The following HECW2 variants were observed in gnomAD, a reference collection of about 807,000 sequenced individuals.
HECW2 encodes the protein E3 ubiquitin-protein ligase HECW2.
In HECW2, 61 loss-of-function variants were observed where a neutral mutation model predicts 175.2. That is an observed-to-expected ratio of 0.35 (90% CI 0.28 to 0.43). The LOEUF (loss-of-function observed/expected upper bound fraction) is 0.43. Among genes scored for constraint, HECW2 ranks in the 20% least tolerant of loss-of-function variants. HECW2 has a pLI of 1.00. For synonymous variants in HECW2, 671 were observed against 731.0 expected, an observed-to-expected ratio of 0.92 and a Z score of 1.32; for missense variants, 1,524 against 2,000.5, an observed-to-expected ratio of 0.76 and a Z score of 4.54.
intron 5 of HECW2, among the ~76,000 whole-genome samples, chr2:196,325,776 T>C (rs1452994870): frequency 6.6e-6 from 1 of 152,268 alleles, no homozygotes; most frequent in African/African-American, 2.4e-5. Flanking sequence ...ATGTAAGTGC[T>C]ACCTGCTATT....
At chr2:196,284,416 A>T (rs572204904) in intron 14 of HECW2, among the ~76,000 whole-genome samples, 1 of 152,336 alleles carries the variant, frequency 6.6e-6, no homozygotes, top group Admixed American at 6.5e-5. Flanking sequence ...TAAGACCTCC[A>T]TCAAAGCCAC....
chr2:196,528,196 T>C (rs1294720751), intron 1 of HECW2, among the ~76,000 whole-genome samples: 3 of 152,192 alleles, frequency 2.0e-5, no homozygotes, highest in African/African-American at 7.2e-5. Flanking sequence ...TCAATAAACA[T>C]GACCTATACT....
Position 196,514,196 on chromosome 2 carries a change from C to T in HECW2, c.-36+79312G>A, listed in dbSNP as rs924055073. On this transcript the variant is annotated intron_variant, in intron 1 of 28. Coordinates refer to ENST00000644978, the MANE Select transcript of HECW2 (RefSeq NM_001348768.2). ...GGCCTCTCCCTGCTTCTAGTGCCCA[C>T]TCCAATTTCAGAGCAAAGTTGTGGC... is the stretch of plus-strand genomic sequence containing the variant. Among the ~76,000 whole-genome samples, 10 of 152,364 alleles carry T rather than the reference C, an allele frequency of 6.6e-5. No individual in the cohort carries two copies. The East Asian group carries it at 1.7e-3, about 26-fold the overall frequency.
intron 17 of HECW2, among the ~76,000 whole-genome samples, chr2:196,265,943 A>C (rs946476273): frequency 6.6e-6 from 1 of 152,060 alleles, no homozygotes; most frequent in Non-Finnish European, 1.5e-5. Flanking sequence ...ATACTCAACT[A>C]CCTTCTAAGA....
intron 2 of HECW2, among the ~76,000 whole-genome samples, chr2:196,410,335 C>T (rs1292457082): frequency 6.6e-6 from 1 of 152,190 alleles, no homozygotes; most frequent in Non-Finnish European, 1.5e-5. Context: ...CAATATCTAG[C>T]AGGATCTATT....
At chr2:196,341,762 A>G (rs981285003) in intron 3 of HECW2, among the ~76,000 whole-genome samples, 1 of 152,216 alleles carries the variant, frequency 6.6e-6, no homozygotes, top group African/African-American at 2.4e-5. Context: ...AAAAGAAGAC[A>G]TTTCTTATGG....
At chr2:196,270,753 T>A (rs1310992075) in intron 17 of HECW2, among the ~76,000 whole-genome samples, 1 of 151,934 alleles carries the variant, frequency 6.6e-6, no homozygotes, top group African/African-American at 2.4e-5. Flanking sequence ...CAGGCTGGAG[T>A]GCAGTGGTGC....
chr2:196,263,797 T>C (rs1337232893), intron 17 of HECW2: 3 of 152,200 alleles, frequency 2.0e-5, no homozygotes, highest in African/African-American at 7.2e-5. Context: ...TGCTAAGAAC[T>C]TAGTTACTTA....
In HECW2 at chr2:196,531,661, C is replaced by CA. The variant is rs1168825418; in HGVS notation, c.-36+61846dup. Reference sequence around the variant, plus strand: ...CAGGCAACAGTGTGAGACTCTGTCTCAAAAAAAAAACAAAAAAAAAAGTTT... The same window carrying CA: ...CAGGCAACAGTGTGAGACTCTGTCTCAAAAAAAAAAACAAAAAAAAAAGTTT... On this transcript the variant is annotated intron_variant, in intron 1 of 28. Transcript: ENST00000644978. 3.9e-3 allele frequency among the ~76,000 whole-genome samples: 393 copies of CA among 99,908 alleles called. 5 individuals carry two copies. The highest frequency in any genetic ancestry group is 0.019 in the African/African-American group (325 of 17,468). The allele number at this position is 99,908 out of a possible 152,430, so 65.5% of individuals were successfully genotyped here.
chr2:196,360,275 G>C (rs143584547), intron 2 of HECW2, among the ~76,000 whole-genome samples: 1 of 152,214 alleles, frequency 6.6e-6, no homozygotes, highest in Non-Finnish European at 1.5e-5. Context: ...ATTCACAAGA[G>C]CAAAGACATG....
chr2:196,248,659 G>A (rs1688745801), intron 19 of HECW2, among the ~76,000 whole-genome samples: 1 of 151,478 alleles, frequency 6.6e-6, no homozygotes, highest in Non-Finnish European at 1.5e-5. Flanking sequence ...AATAGAGAGG[G>A]AGGAAGGAAG....
intron 1 of HECW2, among the ~76,000 whole-genome samples, chr2:196,547,242 T>C (rs1575660214): frequency 6.6e-6 from 1 of 152,324 alleles, no homozygotes; most frequent in East Asian, 1.9e-4. Flanking sequence ...CAGCATTCCA[T>C]GATGGGCTAT....
At chr2:196,507,814 C>A (rs1209392571) in intron 1 of HECW2, among the ~76,000 whole-genome samples, 1 of 152,146 alleles carries the variant, frequency 6.6e-6, no homozygotes, top group African/African-American at 2.4e-5. Context: ...TGTTCCTCCC[C>A]CAGTGGAATG....
intron 2 of HECW2, among the ~76,000 whole-genome samples, chr2:196,399,608 T>C (rs1247706832): frequency 6.6e-6 from 1 of 152,202 alleles, no homozygotes; most frequent in Non-Finnish European, 1.5e-5. Context: ...GGAGTTATGA[T>C]ACCCATCTGA....
intron 28 of HECW2, among the ~76,000 whole-genome samples, chr2:196,208,786 A>C (rs1687160209): frequency 6.6e-6 from 1 of 152,118 alleles, no homozygotes; most frequent in Non-Finnish European, 1.5e-5. Flanking sequence ...GTTGGGGGAG[A>C]GGGTACATGT....
intron 13 of HECW2, among the ~76,000 whole-genome samples, chr2:196,303,566 T>C (rs1465420294): frequency 6.6e-6 from 1 of 152,206 alleles, no homozygotes; most frequent in Admixed American, 6.5e-5. Flanking sequence ...AGACCATTTA[T>C]TGCTGCCTCA....
chr2:196,317,371 T>C lies in HECW2; in HGVS notation c.2339-2A>G. The stretch of plus-strand genomic sequence containing the variant: ...GCTGGTGGCCGTTGGCTTGAGAACC[T>C]AGGATTAAAGGTAGAAAGTTACCAG... On this transcript the variant is annotated splice_acceptor_variant, in intron 9 of 28. Coordinates refer to ENST00000644978, the MANE Select transcript of HECW2 (RefSeq NM_001348768.2). LOFTEE classifies it high-confidence loss of function. 6.2e-7 allele frequency: 1 copy of C among 1,607,676 alleles called. No individual in the cohort carries two copies. Among genetic ancestry groups the C allele is most frequent in the Non-Finnish European group, 8.5e-7 (1 of 1,175,992 alleles).
At chr2:196,548,991 G>C (rs1689519118) in intron 1 of HECW2, among the ~76,000 whole-genome samples, 1 of 152,040 alleles carries the variant, frequency 6.6e-6, no homozygotes, top group African/African-American at 2.4e-5. Context: ...TCCAGTTAAG[G>C]TCACATTCCA....
chr2:196,294,455 G>A (rs1375271012), intron 13 of HECW2, among the ~76,000 whole-genome samples: 1 of 151,968 alleles, frequency 6.6e-6, no homozygotes, highest in African/African-American at 2.4e-5. Flanking sequence ...AGCTTTATGG[G>A]TTCTGTTATC....
Sources: allele counts gnomAD v4.1 joint callset (sites outside exome capture counted in the v4.1 genomes callset), GRCh38; gene constraint gnomAD v4.1.1; transcripts MANE v1.5; gene names NCBI Gene and HGNC (gene_info 2026-07-23, HGNC 2026-07-21).